The following LPP variants were observed in gnomAD, a reference collection of about 807,000 sequenced individuals.
LPP encodes the protein LIM domain containing preferred translocation partner in lipoma, also known as lipoma-preferred partner.
In LPP, 38 loss-of-function variants were observed where a neutral mutation model predicts 60.4. That is an observed-to-expected ratio of 0.63 (90% CI 0.49 to 0.83). The LOEUF (loss-of-function observed/expected upper bound fraction) is 0.83, where lower values mean the gene tolerates loss of function less well. Ranked by LOEUF, LPP falls within the 40% of genes least tolerant of loss-of-function variation. The probability of loss-of-function intolerance (pLI) is 0.00; values close to 1 mark genes in which losing one functional copy is unlikely to be tolerated. For missense variants in LPP, 902 were observed against 783.6 expected (o/e 1.15, Z -1.80); for synonymous variants, 328 against 290.8 (o/e 1.13, Z -1.30).
At position 188,665,634 on chromosome 3, in the gene LPP, A is replaced by AT. The variant is rs200890229; in HGVS notation, c.1114-42625dup. Among the ~76,000 whole-genome samples, 983 of 151,272 alleles carry AT rather than the reference A, an allele frequency of 6.5e-3. 6 individuals carry two copies. Among genetic ancestry groups the AT allele is most frequent in the Non-Finnish European group, 0.011 (712 of 67,796 alleles). On this transcript the variant is annotated intron_variant, in intron 7 of 11. Transcript: ENST00000617246. ...GTCACCACACCAGGCTAATTTTTGT[A>AT]TTTTTTTTAGTAGAGTTGGGGTTTC...
intron 2 of LPP, among the ~76,000 whole-genome samples, chr3:188,251,312 A>T (rs1247955127): frequency 1.3e-5 from 2 of 151,666 alleles, no homozygotes; most frequent in Non-Finnish European, 2.9e-5. Context: ...TAATTGCTGG[A>T]ATAAAAAGAT....
chr3:188,174,881 T>G (rs997015112), intron 1 of LPP, among the ~76,000 whole-genome samples: 3 of 152,148 alleles, frequency 2.0e-5, no homozygotes, highest in African/African-American at 7.2e-5. Context: ...TCCATGGCCC[T>G]TTGTCTGTAC....
In LPP at chr3:188,747,224, C is replaced by T. The variant is rs185478088; in HGVS notation, c.1241-12889C>T. Among the ~76,000 whole-genome samples the T allele has an allele frequency of 2.8e-3, 419 of 152,254 alleles. 2 individuals carry two copies. The highest frequency in any genetic ancestry group is 0.012 in the Admixed American group (185 of 15,288). On this transcript the variant is annotated intron_variant, in intron 8 of 11. Transcript: ENST00000617246. ...TTCCATGCCTTTCTTCTGTGGCTCT[C>T]TCTGATGATCTCACAGGTCTATAAG... is the stretch of plus-strand genomic sequence containing the variant.
At position 188,609,243 on chromosome 3, in the gene LPP, C is replaced by T. The variant is rs755321930; in HGVS notation, c.512C>T (p.Pro171Leu). 6.2e-7 allele frequency: 1 copy of T among 1,613,950 alleles called. No individual in the cohort carries two copies. The change falls in exon 7 of 12, where the codon CCT (proline) becomes CTT (leucine). Residue 171 changes from proline to leucine, a missense_variant. Transcript: ENST00000617246. This position sits in a 1 kb window ranked among gnomAD's most constrained non-coding sequence, Gnocchi z 6.9. ...AGAATGGTCATCCCGAACCAACCCC[C>T]TCTAACAGCAACCAAGAAGTCTACA... ...HKRMVIPNQP[P>L]LTATKKSTLK...
intron 3 of LPP, among the ~76,000 whole-genome samples, chr3:188,359,808 G>C (rs190160419): frequency 6.0e-4 from 91 of 152,240 alleles, no homozygotes; most frequent in African/African-American, 2.1e-3. Context: ...CCTCTGAAGA[G>C]CCTCTGAGCC....
chr3:188,731,802 A>G (rs923873073), intron 8 of LPP, among the ~76,000 whole-genome samples: 8 of 152,124 alleles, frequency 5.3e-5, no homozygotes, highest in African/African-American at 1.7e-4. Context: ...GATTACAGGC[A>G]TGAGCCACCG....
intron 8 of LPP, among the ~76,000 whole-genome samples, chr3:188,753,137 A>G (rs1728632723): frequency 6.6e-6 from 1 of 152,346 alleles, no homozygotes; most frequent in Non-Finnish European, 1.5e-5. Flanking sequence ...CAGCCACACT[A>G]CATTCTGCCT....
intron 3 of LPP, among the ~76,000 whole-genome samples, chr3:188,350,971 G>A (rs1180747310): frequency 1.3e-5 from 2 of 152,126 alleles, no homozygotes; most frequent in East Asian, 1.9e-4. Context: ...CTTCTCCCAC[G>A]AAAGTCATCC....
intron 9 of LPP, among the ~76,000 whole-genome samples, chr3:188,800,214 G>T (rs1407429808): frequency 9.7e-5 from 11 of 113,840 alleles, no homozygotes; most frequent in Admixed American, 2.6e-4. Flanking sequence ...AAATATCTTT[G>T]TGCAATTATC....
intron 2 of LPP, among the ~76,000 whole-genome samples, chr3:188,245,794 G>A (rs1013317419): frequency 2.0e-5 from 3 of 151,630 alleles, no homozygotes; most frequent in Admixed American, 6.6e-5. Flanking sequence ...CTCCCACCTC[G>A]GCCTTCCAAA....
chr3:188,810,018 C>G (rs1329707183), intron 9 of LPP, among the ~76,000 whole-genome samples: 1 of 152,092 alleles, frequency 6.6e-6, no homozygotes, highest in East Asian at 1.9e-4. Flanking sequence ...TCTGAGGTCT[C>G]TGCTCTGTTC....
intron 5 of LPP, among the ~76,000 whole-genome samples, chr3:188,515,780 C>G (rs1462717317): frequency 6.6e-6 from 1 of 152,082 alleles, no homozygotes; most frequent in Non-Finnish European, 1.5e-5. Flanking sequence ...AATTGTATTT[C>G]TGTTGGCCAT....
intron 8 of LPP, among the ~76,000 whole-genome samples, chr3:188,735,017 C>T (rs1241184082): frequency 6.6e-6 from 1 of 152,182 alleles, no homozygotes; most frequent in Non-Finnish European, 1.5e-5. Context: ...GGAGTATTCA[C>T]GTCGTTGTTG....
chr3:188,343,972 C>G (rs1346393560), intron 3 of LPP, among the ~76,000 whole-genome samples: 1 of 152,176 alleles, frequency 6.6e-6, no homozygotes, highest in Non-Finnish European at 1.5e-5. Context: ...CAACGTTGAT[C>G]CACTGACTGC....
intron 9 of LPP, among the ~76,000 whole-genome samples, chr3:188,761,003 A>G (rs1732144994): frequency 1.3e-5 from 2 of 151,654 alleles, no homozygotes; most frequent in South Asian, 4.1e-4. Flanking sequence ...CTGTTAAACT[A>G]TTCTCTGGTA....
intron 2 of LPP, among the ~76,000 whole-genome samples, chr3:188,251,538 C>T (rs1299319484): frequency 1.3e-5 from 2 of 151,970 alleles, no homozygotes; most frequent in East Asian, 1.9e-4. Context: ...ACAAAACCTA[C>T]GTGTATATGT....
intron 2 of LPP, among the ~76,000 whole-genome samples, chr3:188,279,973 T>C (rs1404038812): frequency 6.6e-6 from 1 of 152,240 alleles, no homozygotes; most frequent in Non-Finnish European, 1.5e-5. Flanking sequence ...AGCTATAGTT[T>C]ATTACTACCT....
chr3:188,512,914 A>T (rs575177949), intron 5 of LPP, among the ~76,000 whole-genome samples: 72 of 152,344 alleles, frequency 4.7e-4, no homozygotes, highest in Middle Eastern at 3.4e-3. Context: ...AGGTTTTAAA[A>T]AACAAAATCA....
chr3:188,160,607 A>G, intron 1 of LPP, among the ~76,000 whole-genome samples: 1 of 152,196 alleles, frequency 6.6e-6, no homozygotes, highest in Non-Finnish European at 1.5e-5. Context: ...ATCAAAATCT[A>G]CCTTGTGCCA....
Sources: gnomAD v4.1 joint callset for allele counts (sites outside exome capture counted in the v4.1 genomes callset) on GRCh38, gnomAD v4.1.1 for gene constraint, Gnocchi (gnomAD v3.1) non-coding constraint, MANE v1.5 for transcripts, NCBI Gene and HGNC (gene_info 2026-07-23, HGNC 2026-07-21) for gene names.